The following NBPF20 variants were observed in gnomAD, a reference collection of about 807,000 sequenced individuals.
NBPF20 encodes the protein NBPF member 20.
NBPF20 carries 90 observed loss-of-function variants against 68.1 expected under a neutral mutation model. That is an observed-to-expected ratio of 1.32 (90% confidence interval 1.11 to 1.58). The LOEUF is 1.58. NBPF20 is among the 40% of genes most tolerant of loss of function. NBPF20 has a pLI of 0.00. For synonymous variants in NBPF20, 290 were observed against 228.1 expected (o/e 1.27, Z -2.45); for missense variants, 816 against 601.2 (o/e 1.36, Z -3.74).
intron 7 of NBPF20, 99 bp from the exon 13 acceptor site, chr1:145,395,240 G>C (rs1162743041): frequency 4.5e-6 from 4 of 897,656 alleles, no homozygotes; most frequent in Admixed American, 2.2e-5. Flanking sequence ...GAATGGAGTG[G>C]TCACAGAAAC....
At chr1:145,406,278 G>A (rs1169627365), upstream of NBPF20, among the ~76,000 whole-genome samples, 57 of 151,400 alleles carry the variant, frequency 3.8e-4, no homozygotes, top group South Asian at 1.0e-3. Context: ...TAATTTGTTT[G>A]ATTGTGTTTT....
chr1:145,394,946 G>T (rs1383902366), intron 8 of NBPF20, 32 bp downstream of exon 13: 1 of 1,611,918 alleles, frequency 6.2e-7, no homozygotes, highest in Admixed American at 1.7e-5. Context: ...CCATGAACTG[G>T]AGCTTTATCA....
At chr1:145,403,269 T>C (rs2101582792) in exon 3 of NBPF20, 1 of 1,611,968 alleles carries the variant, frequency 6.2e-7, no homozygotes, top group East Asian at 2.2e-5. Flanking sequence ...CCTTGAACTG[T>C]CGCTCATTCC....
intron 137 of NBPF20, among the ~76,000 whole-genome samples, 178 bp downstream of exon 142, chr1:145,292,203 A>G (rs1269566251): frequency 6.7e-6 from 1 of 149,690 alleles, no homozygotes; most frequent in East Asian, 1.9e-4. Flanking sequence ...TTAGTAAAAG[A>G]TAAGGGGAGG....
the NBPF20 span, among the ~76,000 whole-genome samples, chr1:145,425,568 G>A: frequency 6.6e-6 from 1 of 152,160 alleles, no homozygotes; most frequent in African/African-American, 2.4e-5. Flanking sequence ...CATAGCCTGC[G>A]GCCAGCTGGA....
At chr1:145,405,542 T>A (rs1662739448) in exon 1 of NBPF20, 1 of 1,175,390 alleles carries the variant, frequency 8.5e-7, no homozygotes, top group Non-Finnish European at 1.2e-6. Flanking sequence ...AGGTAGATTG[T>A]GGCCAGCGTG....
intron 8 of NBPF20, 146 bp downstream of exon 13, chr1:145,394,832 A>G: frequency 6.5e-7 from 1 of 1,546,636 alleles, no homozygotes; most frequent in Non-Finnish European, 8.9e-7. Flanking sequence ...ACTCGACTCC[A>G]GAGTGATTGA....
At chr1:145,400,191 G>T (rs1662451907) in intron 6 of NBPF20, among the ~76,000 whole-genome samples, 198 bp downstream of exon 11, 1 of 152,128 alleles carries the variant, frequency 6.6e-6, no homozygotes, top group Admixed American at 6.6e-5. Context: ...ACTTGCCTGG[G>T]GTTGAGTAAC....
chr1:145,414,128 TA>T, the NBPF20 span, among the ~76,000 whole-genome samples: 1 of 112,488 alleles, frequency 8.9e-6, no homozygotes, highest in Non-Finnish European at 1.8e-5. Flanking sequence ...TAAAGCCTCT[TA>T]AGGTGATGAG....
At chr1:145,306,300 G>GAC (rs1165100740) in intron 119 of NBPF20, among the ~76,000 whole-genome samples, 12 of 140,304 alleles carry the variant, frequency 8.6e-5, no homozygotes, top group Non-Finnish European at 1.7e-4. Context: ...CACACACACA[G>GAC]ACACACACAC....
exon 6 of NBPF20, chr1:145,400,556 T>C (rs1662474066): frequency 6.2e-7 from 1 of 1,612,460 alleles, no homozygotes; most frequent in South Asian, 1.1e-5. Flanking sequence ...CTCCTGTGAG[T>C]CCTCAGGGAC....
intron 8 of NBPF20, 21 bp from the exon 14 acceptor site, chr1:145,393,956 G>C: frequency 3.2e-6 from 4 of 1,253,504 alleles, no homozygotes; most frequent in Non-Finnish European, 4.6e-6. Context: ...ATTCAGATGG[G>C]CCCTCTTACA....
At chr1:145,309,489 C>G (rs1374762806) in intron 115 of NBPF20, among the ~76,000 whole-genome samples, 10 of 76,028 alleles carry the variant, frequency 1.3e-4, no homozygotes, top group Admixed American at 5.4e-4. Context: ...CAGACACACA[C>G]ACACACACAG....
rs587720629 is a variant in NBPF20, at chr1:145,291,917, A to G, written c.16698-148T>C. The G allele has an allele frequency of 1.4e-4, 205 of 1,518,480 alleles. 1 individual carries two copies. In the East Asian group the frequency reaches 4.4e-3, roughly 32 times the overall value. The allele number at this position is 1,518,480 out of a possible 1,614,324, so 94.1% of individuals were successfully genotyped here. ...GGTAAAAAAAAAATTTATTGCCTATATGTTGGGATAGAACAGGGCCAGGTA... is the reference window on the plus strand; with the variant it reads ...GGTAAAAAAAAAATTTATTGCCTATGTGTTGGGATAGAACAGGGCCAGGTA... On this transcript the variant is annotated intron_variant, in intron 137 of 137. Transcript: ENST00000369373.
the NBPF20 span, among the ~76,000 whole-genome samples, chr1:145,411,362 C>T: frequency 1.5e-4 from 22 of 150,054 alleles, no homozygotes; most frequent in South Asian, 2.1e-4. Flanking sequence ...GGCCTACTGG[C>T]CTTACATAAA....
rs1400854520 is a variant in NBPF20, at chr1:145,309,567, G to A, written c.13938-319C>T. On this transcript the variant is annotated intron_variant, in intron 115 of 137. Coordinates refer to ENST00000369373, the Ensembl canonical transcript of NBPF20. The stretch of plus-strand genomic sequence containing the variant: ...ATGAGGGAGTAACAGGACACTCTGA[G>A]TTAGTGCCCTCAGGACACACAGCAT... Among the ~76,000 whole-genome samples the A allele has an allele frequency of 1.3e-3, 70 of 55,800 alleles. 6 individuals are homozygous for A. Among genetic ancestry groups the A allele is most frequent in the East Asian group, 0.012 (33 of 2,698 alleles). 36.6% of individuals were successfully genotyped at this position (55,800 alleles called of 152,430 possible).
the NBPF20 span, among the ~76,000 whole-genome samples, chr1:145,425,018 G>A: frequency 2.0e-5 from 3 of 152,144 alleles, no homozygotes; most frequent in African/African-American, 7.2e-5. Context: ...TGGCCTCGAG[G>A]GTGGGGTGCG....
chr1:145,423,310 T>G, the NBPF20 span, among the ~76,000 whole-genome samples: 1 of 151,766 alleles, frequency 6.6e-6, no homozygotes, highest in Middle Eastern at 3.2e-3. Flanking sequence ...GTGGTGGTGC[T>G]CACCTGTAGG....
At chr1:145,306,258 GATAGAC>G (rs1661404969) in intron 119 of NBPF20, among the ~76,000 whole-genome samples, 193 bp from the exon 125 acceptor site, 2 of 143,902 alleles carry the variant, frequency 1.4e-5, no homozygotes, top group African/African-American at 5.2e-5. Flanking sequence ...GAGAAAGACA[GATAGAC>G]ACACACACAC....
Sources: gnomAD v4.1 joint callset for allele counts (sites outside exome capture counted in the v4.1 genomes callset) on GRCh38, gnomAD v4.1.1 for gene constraint, MANE v1.5 for transcripts, NCBI Gene and HGNC (gene_info 2026-07-23, HGNC 2026-07-21) for gene names.